PPEF1: variants seen among roughly 807,000 people sequenced by gnomAD.
The protein encoded by PPEF1 is serine/threonine-protein phosphatase with EF-hands 1.
Under a neutral mutation model 53.3 loss-of-function variants are expected in PPEF1, and 12 were observed. The observed-to-expected ratio is 0.23, with a 90% CI of 0.14 to 0.36. The LOEUF (loss-of-function observed/expected upper bound fraction) is 0.36, where lower values mean the gene tolerates loss of function less well. Among genes scored for constraint, PPEF1 ranks in the 10% least tolerant of loss-of-function variants. The probability of loss-of-function intolerance (pLI) is 1.00; values close to 1 mark genes in which losing one functional copy is unlikely to be tolerated. For missense variants in PPEF1, 334 were observed against 490.4 expected (o/e 0.68, Z 3.01); for synonymous variants, 165 against 176.7 (o/e 0.93, Z 0.52).
At chrX:18,811,769 G>A (rs2046816597) in intron 12 of PPEF1, among the ~76,000 whole-genome samples, 1 of 108,669 alleles carries the variant, frequency 9.2e-6, no homozygotes, top group Non-Finnish European at 1.9e-5. Flanking sequence ...CAGCACACTT[G>A]GCTAATTTTT....
chrX:18,689,971 A>G (rs1929272350), intron 3 of PPEF1, among the ~76,000 whole-genome samples: 1 of 110,311 alleles, frequency 9.1e-6, no homozygotes, highest in Non-Finnish European at 1.9e-5. Context: ...TTCCACTGTC[A>G]GGTCAAAGAT....
intron 1 of PPEF1, among the ~76,000 whole-genome samples, chrX:18,713,224 C>T (rs2044367147): frequency 9.0e-6 from 1 of 111,014 alleles, no homozygotes; most frequent in Non-Finnish European, 1.9e-5. Flanking sequence ...TGGTAGAATT[C>T]ATCAGTGAAG....
chrX:18,744,933 G>A (rs971434899), intron 3 of PPEF1, among the ~76,000 whole-genome samples: 1 of 105,404 alleles, frequency 9.5e-6, no homozygotes, highest in Admixed American at 1.1e-4. Flanking sequence ...GGCTTAGAAG[G>A]CAATCTCCCA....
intron 6 of PPEF1, among the ~76,000 whole-genome samples, chrX:18,778,146 C>T (rs1441963875): frequency 1.8e-5 from 2 of 111,271 alleles, no homozygotes; most frequent in Admixed American, 1.9e-4. Context: ...TCTTATTATG[C>T]AGTAGAAGCC....
chrX:18,744,689 A>C (rs890823220), intron 3 of PPEF1, among the ~76,000 whole-genome samples: 1 of 110,151 alleles, frequency 9.1e-6, no homozygotes, highest in African/African-American at 3.3e-5. Flanking sequence ...CATTTTCCCC[A>C]TTATATCTTC....
chrX:18,742,212 C>T (rs968130492), intron 3 of PPEF1, among the ~76,000 whole-genome samples: 2 of 111,548 alleles, frequency 1.8e-5, no homozygotes, highest in African/African-American at 6.5e-5. Context: ...TTGATCCATT[C>T]GATTGTGTAT....
intron 6 of PPEF1, among the ~76,000 whole-genome samples, chrX:18,767,054 G>GA (rs897841108): frequency 1.6e-4 from 17 of 107,446 alleles, no homozygotes; most frequent in African/African-American, 5.5e-4. Flanking sequence ...CTCTGTCTCA[G>GA]AAAAAAAAAG....
chrX:18,717,498 C>A (rs2044484473), intron 1 of PPEF1, among the ~76,000 whole-genome samples: 1 of 110,307 alleles, frequency 9.1e-6, no homozygotes, highest in South Asian at 3.9e-4. Flanking sequence ...CAAGCTCGCT[C>A]CTTAGGGGTG....
chrX:18,809,704 CAA>C (rs61305573), intron 12 of PPEF1, among the ~76,000 whole-genome samples: 3 of 86,418 alleles, frequency 3.5e-5, no homozygotes. Flanking sequence ...GACCCTGTCT[CAA>C]AAAAAAAAAA....
chrX:18,732,801 C>G (rs1247287611), intron 2 of PPEF1, among the ~76,000 whole-genome samples: 1 of 112,267 alleles, frequency 8.9e-6, no homozygotes, highest in Non-Finnish European at 1.9e-5. Context: ...AGCCAGTACC[C>G]TGATTGTGGC....
intron 6 of PPEF1, among the ~76,000 whole-genome samples, chrX:18,762,073 C>A (rs988138077): frequency 1.3e-4 from 14 of 111,554 alleles, no homozygotes; most frequent in South Asian, 3.7e-4. Flanking sequence ...TGCTGTGCCT[C>A]CTCTTCATTT....
At chrX:18,764,970 T>C (rs940859906) in intron 6 of PPEF1, among the ~76,000 whole-genome samples, 2 of 111,650 alleles carry the variant, frequency 1.8e-5, no homozygotes, top group African/African-American at 6.5e-5. Flanking sequence ...AACTGGAAGG[T>C]GCTAATGTAA....
At chrX:18,683,984 A>T (rs1486899761) in intron 1 of PPEF1, among the ~76,000 whole-genome samples, 1 of 112,186 alleles carries the variant, frequency 8.9e-6, no homozygotes, top group African/African-American at 3.2e-5. Context: ...TTTCAGTTAT[A>T]TGAGGAAAAA....
At chrX:18,821,792 AGAGAGAGAGAG>A (rs550672879) in intron 13 of PPEF1, among the ~76,000 whole-genome samples, 443 of 23,435 alleles carry the variant, frequency 0.019, 5 homozygotes, top group African/African-American at 0.031. Context: ...AGAGAGAGAG[AGAGAGAGAGAG>A]AAAACAAATA....
chrX:18,742,957 G>A (rs2045216220), intron 3 of PPEF1, among the ~76,000 whole-genome samples: 1 of 112,373 alleles, frequency 8.9e-6, no homozygotes, highest in Admixed American at 9.4e-5. Flanking sequence ...GAGGGCAAAG[G>A]CAGAAGCTGC....
intron 4 of PPEF1, among the ~76,000 whole-genome samples, chrX:18,757,093 C>T (rs1201003900): frequency 1.8e-5 from 2 of 111,512 alleles, no homozygotes; most frequent in Non-Finnish European, 3.8e-5. Flanking sequence ...GTGAATTTTT[C>T]ACTTACAGCA....
At chrX:18,708,867 G>A (rs1488690181) in intron 1 of PPEF1, among the ~76,000 whole-genome samples, 1 of 110,499 alleles carries the variant, frequency 9.0e-6, no homozygotes, top group African/African-American at 3.3e-5. Context: ...TGCTGTAGTA[G>A]ACGTTTATTA....
chrX:18,730,008 A>G (rs1222339706), intron 1 of PPEF1, among the ~76,000 whole-genome samples, 173 bp from the exon 2 acceptor site: 1 of 112,350 alleles, frequency 8.9e-6, no homozygotes, highest in Non-Finnish European at 1.9e-5. Flanking sequence ...TGTTTGAGAC[A>G]TGAGGACATT....
intron 6 of PPEF1, among the ~76,000 whole-genome samples, chrX:18,767,489 G>A (rs1371692816): frequency 8.9e-6 from 1 of 112,121 alleles, no homozygotes; most frequent in Non-Finnish European, 1.9e-5. Flanking sequence ...AGGTTGCAGT[G>A]AGCCGAGATC....
Sources: allele counts gnomAD v4.1 joint callset (sites outside exome capture counted in the v4.1 genomes callset), GRCh38; gene constraint gnomAD v4.1.1; transcripts MANE v1.5; gene names NCBI Gene and HGNC (gene_info 2026-07-23, HGNC 2026-07-21).